BACH2: variants seen among roughly 807,000 people sequenced by gnomAD.
BACH2 encodes the protein transcription regulator protein BACH2.
A neutral mutation model predicts 61.8 loss-of-function variants in BACH2; 5 were observed. That is an observed-to-expected ratio of 0.08 (90% CI 0.04 to 0.17). The LOEUF (loss-of-function observed/expected upper bound fraction) is 0.17, where lower values mean the gene tolerates loss of function less well. Among genes scored for constraint, BACH2 ranks in the 10% least tolerant of loss-of-function variants. The pLI is 1.00. For synonymous variants in BACH2, 446 were observed against 440.1 expected (o/e 1.01, Z -0.17); for missense variants, 824 against 1,091.1 (o/e 0.76, Z 3.45).
intron 6 of BACH2, among the ~76,000 whole-genome samples, chr6:90,006,826 C>T (rs1777430903): frequency 6.6e-6 from 1 of 151,934 alleles, no homozygotes; most frequent in South Asian, 2.1e-4. Context: ...CTATGTTGCC[C>T]AAGACAGTCT....
chr6:89,999,121 A>T (rs1183292629), intron 6 of BACH2, among the ~76,000 whole-genome samples: 4 of 152,234 alleles, frequency 2.6e-5, no homozygotes, highest in Non-Finnish European at 5.9e-5. Flanking sequence ...CCGTGCTTTC[A>T]CTGTTTAACT....
intron 7 of BACH2, among the ~76,000 whole-genome samples, chr6:89,941,953 A>T (rs1003243700): frequency 6.6e-6 from 1 of 152,212 alleles, no homozygotes; most frequent in African/African-American, 2.4e-5. Flanking sequence ...CACCAATGCT[A>T]GTTTCAAAGT....
At chr6:89,939,974 T>A (rs924573056) in intron 7 of BACH2, among the ~76,000 whole-genome samples, 9 of 151,852 alleles carry the variant, frequency 5.9e-5, no homozygotes, top group African/African-American at 1.9e-4. Flanking sequence ...AGTGTTGGTA[T>A]TACAGGTGGG....
intron 4 of BACH2, among the ~76,000 whole-genome samples, chr6:90,123,546 G>A (rs954435780): frequency 4.0e-5 from 6 of 151,658 alleles, no homozygotes; most frequent in African/African-American, 1.2e-4. Context: ...CGAGGCGGGC[G>A]GATCACGAGG....
At chr6:89,990,530 T>G (rs1004255919) in intron 6 of BACH2, among the ~76,000 whole-genome samples, 2 of 152,130 alleles carry the variant, frequency 1.3e-5, no homozygotes, top group African/African-American at 4.8e-5. Flanking sequence ...TGGCTTTTTT[T>G]TTTCTTTATT....
intron 5 of BACH2, among the ~76,000 whole-genome samples, chr6:90,051,624 G>T (rs776820250): frequency 1.3e-5 from 2 of 152,094 alleles, no homozygotes; most frequent in Non-Finnish European, 2.9e-5. Flanking sequence ...TGGCTCTGTT[G>T]ATACCCTACA....
At chr6:90,139,779 A>C (rs1011453409) in intron 4 of BACH2, among the ~76,000 whole-genome samples, 10 of 152,184 alleles carry the variant, frequency 6.6e-5, no homozygotes, top group Admixed American at 5.9e-4. Context: ...TTCAACTAAG[A>C]AATCCCTTTT....
At chr6:89,963,872 C>T (rs1219504707) in intron 6 of BACH2, among the ~76,000 whole-genome samples, 1 of 152,222 alleles carries the variant, frequency 6.6e-6, no homozygotes, top group Non-Finnish European at 1.5e-5. Flanking sequence ...GACTCTCAGC[C>T]TTAAAAGGAA....
At chr6:90,189,104 T>C (rs1015046920) in intron 4 of BACH2, among the ~76,000 whole-genome samples, 20 of 152,170 alleles carry the variant, frequency 1.3e-4, no homozygotes, top group African/African-American at 4.3e-4. Context: ...TATATTTACA[T>C]TTGGTCTAAA....
At chr6:90,035,649 T>G (rs1296055794) in intron 5 of BACH2, among the ~76,000 whole-genome samples, 1 of 151,958 alleles carries the variant, frequency 6.6e-6, no homozygotes. Flanking sequence ...CATTCTGGAG[T>G]ATGCCAGGGT....
chr6:89,974,017 G>C (rs1487791037), intron 6 of BACH2, among the ~76,000 whole-genome samples: 1 of 152,128 alleles, frequency 6.6e-6, no homozygotes, highest in Non-Finnish European at 1.5e-5. Context: ...GGTGACTTCT[G>C]TGTGGTACAG....
chr6:90,246,705 G>T (rs1349212024), intron 3 of BACH2, among the ~76,000 whole-genome samples: 3 of 152,130 alleles, frequency 2.0e-5, no homozygotes, highest in Admixed American at 2.0e-4. Context: ...ATTTTAAGGT[G>T]ATTTGAAGCA....
At chr6:90,067,151 T>G (rs936063939) in intron 5 of BACH2, among the ~76,000 whole-genome samples, 16 of 152,104 alleles carry the variant, frequency 1.1e-4, no homozygotes, top group African/African-American at 3.9e-4. Context: ...AGAGTGAGAA[T>G]AGCATGTGGT....
chr6:90,046,558 A>G (rs890324829), intron 5 of BACH2, among the ~76,000 whole-genome samples: 1 of 152,172 alleles, frequency 6.6e-6, no homozygotes, highest in African/African-American at 2.4e-5. Flanking sequence ...TCCCCAAAAG[A>G]AGACAAAAGA....
chr6:90,000,642 A>G (rs751279304), intron 6 of BACH2, among the ~76,000 whole-genome samples: 2 of 152,086 alleles, frequency 1.3e-5, no homozygotes, highest in African/African-American at 2.4e-5. Context: ...CTCCTTGTAC[A>G]CTCATATTGA....
At chr6:90,106,503 A>AC (rs1237745986) in intron 4 of BACH2, among the ~76,000 whole-genome samples, 1 of 152,216 alleles carries the variant, frequency 6.6e-6, no homozygotes, top group Admixed American at 6.5e-5. Context: ...AGTAGACTAT[A>AC]CCATACAGCC....
At chr6:90,194,050 G>A (rs1276324845) in intron 4 of BACH2, among the ~76,000 whole-genome samples, 1 of 151,896 alleles carries the variant, frequency 6.6e-6, no homozygotes, top group African/African-American at 2.4e-5. Context: ...CTTCAACTAC[G>A]CCACATAATC....
intron 5 of BACH2, among the ~76,000 whole-genome samples, chr6:90,045,061 A>T (rs1423167851): frequency 6.6e-6 from 1 of 152,222 alleles, no homozygotes; most frequent in East Asian, 1.9e-4. Flanking sequence ...ATGAATAAGC[A>T]AGTTTATGCT....
chr6:90,261,720 G>A (rs1771164906), intron 2 of BACH2, among the ~76,000 whole-genome samples: 1 of 151,998 alleles, frequency 6.6e-6, no homozygotes, highest in Admixed American at 6.6e-5. Flanking sequence ...TATATCATTG[G>A]TTCTCTCTGT....
Sources: gnomAD v4.1 joint callset for allele counts (sites outside exome capture counted in the v4.1 genomes callset) on GRCh38, gnomAD v4.1.1 for gene constraint, MANE v1.5 for transcripts, NCBI Gene and HGNC (gene_info 2026-07-23, HGNC 2026-07-21) for gene names.